Variants in FKBP5 observed in about 807,000 individuals in gnomAD.
FKBP5 encodes the protein peptidyl-prolyl cis-trans isomerase FKBP5.
A neutral mutation model predicts 50.5 loss-of-function variants in FKBP5; 23 were observed. The ratio of observed to expected loss-of-function variants is 0.46; its 90% CI spans 0.33 to 0.65. The LOEUF (loss-of-function observed/expected upper bound fraction) is 0.65. Among genes scored for constraint, FKBP5 ranks in the 30% least tolerant of loss-of-function variants. The pLI, the probability that FKBP5 is intolerant of heterozygous loss-of-function variation, is 0.02. For missense variants in FKBP5, 411 were observed against 553.1 expected (o/e 0.74, Z 2.58); for synonymous variants, 176 against 190.6 (o/e 0.92, Z 0.63).
chr6:35,672,791 G>A (rs969285864), intron 1 of FKBP5, among the ~76,000 whole-genome samples: 1 of 151,824 alleles, frequency 6.6e-6, no homozygotes, highest in African/African-American at 2.4e-5. Flanking sequence ...ATTAGCTGGC[G>A]TAGTGGCAGG....
At chr6:35,643,411 G>A (rs912822700) in intron 1 of FKBP5, among the ~76,000 whole-genome samples, 1 of 152,112 alleles carries the variant, frequency 6.6e-6, no homozygotes, top group African/African-American at 2.4e-5. Flanking sequence ...TAAAAGATTA[G>A]CATAGATTGG....
chr6:35,701,671 C>G (rs187136142), intron 2 of FKBP5, among the ~76,000 whole-genome samples: 3 of 152,122 alleles, frequency 2.0e-5, no homozygotes, highest in Non-Finnish European at 4.4e-5. Flanking sequence ...TCCTGAGTAC[C>G]TGGGACTACA....
At chr6:35,581,893 C>T (rs755658) in intron 8 of FKBP5, 89,221 of 985,458 alleles carry the variant, frequency 0.091, 4,311 homozygotes, top group Admixed American at 0.12. Flanking sequence ...CATCTCACTG[C>T]CGAGTTGTCT....
At chr6:35,725,869 C>T (rs1441310880) in intron 1 of FKBP5, among the ~76,000 whole-genome samples, 3 of 152,152 alleles carry the variant, frequency 2.0e-5, no homozygotes, top group Non-Finnish European at 2.9e-5. Flanking sequence ...GAGGTTCCTT[C>T]GAGGTTGGCC....
chr6:35,666,100 C>T (rs1382314530), intron 1 of FKBP5, among the ~76,000 whole-genome samples: 1 of 151,956 alleles, frequency 6.6e-6, no homozygotes, highest in Non-Finnish European at 1.5e-5. Context: ...ATATATATTA[C>T]CTAATGTATC....
At chr6:35,671,055 T>A (rs1765373597) in intron 1 of FKBP5, among the ~76,000 whole-genome samples, 1 of 151,798 alleles carries the variant, frequency 6.6e-6, no homozygotes, top group South Asian at 2.1e-4. Context: ...ACCCAGGAGT[T>A]TGAGACCAGC....
chr6:35,623,494 T>A, intron 3 of FKBP5, among the ~76,000 whole-genome samples: 1 of 152,188 alleles, frequency 6.6e-6, no homozygotes, highest in East Asian at 1.9e-4. Flanking sequence ...GGAATGTAAA[T>A]TCCTGGAAGT....
chr6:35,616,268 T>C (rs1223157872), intron 5 of FKBP5, among the ~76,000 whole-genome samples: 2 of 125,066 alleles, frequency 1.6e-5, no homozygotes, highest in Non-Finnish European at 3.1e-5. Context: ...TGAGCTGCGA[T>C]AGCATCACTA....
rs776842432 is a variant in FKBP5 at position 35,637,052 on chromosome 6, T to C, written c.212A>G (p.His71Arg). 2 of 1,609,086 alleles carry C rather than the reference T, an allele frequency of 1.2e-6. No individual in the cohort carries two copies. The highest frequency in any genetic ancestry group is 1.7e-5 in the Admixed American group (1 of 58,216). ...AAAGACAAATGGTTCATTTCTATCA[T>C]GACTGGAATCAAACTTCTTTCCATT... ...LSNGKKFDSSHDRNEPFVFSL... is the reference protein window; with the variant it reads ...LSNGKKFDSSRDRNEPFVFSL... Residue 71 changes from histidine to arginine, a missense_variant, in exon 3 of 11, where the codon CAT becomes CGT. Coordinates refer to ENST00000357266, the MANE Select transcript of FKBP5 (RefSeq NM_004117.4).
intron 3 of FKBP5, among the ~76,000 whole-genome samples, chr6:35,627,613 T>G (rs1450005502): frequency 6.6e-6 from 1 of 152,206 alleles, no homozygotes; most frequent in Non-Finnish European, 1.5e-5. Context: ...GTTTTTAATT[T>G]TGATGTATTC....
chr6:35,604,926 A>G (rs1307307016), intron 5 of FKBP5, among the ~76,000 whole-genome samples: 1 of 151,876 alleles, frequency 6.6e-6, no homozygotes, highest in Non-Finnish European at 1.5e-5. Context: ...CTGGGACTAC[A>G]GGCGCCCGCC....
At chr6:35,621,228 A>G (rs1654722327) in intron 3 of FKBP5, among the ~76,000 whole-genome samples, 1 of 152,224 alleles carries the variant, frequency 6.6e-6, no homozygotes, top group African/African-American at 2.4e-5. Context: ...TATAATTGTA[A>G]TCTCAATGTT....
At chr6:35,622,420 A>G (rs1763872704) in intron 3 of FKBP5, among the ~76,000 whole-genome samples, 1 of 152,030 alleles carries the variant, frequency 6.6e-6, no homozygotes, top group African/African-American at 2.4e-5. Context: ...TTAAGACAGG[A>G]GAAGAGCTTG....
intron 2 of FKBP5, among the ~76,000 whole-genome samples, chr6:35,719,107 G>A (rs562844510): frequency 3.9e-5 from 6 of 152,328 alleles, no homozygotes; most frequent in Admixed American, 3.9e-4. Flanking sequence ...CAACCCTGAG[G>A]GGTTGGGCTG....
intron 2 of FKBP5, among the ~76,000 whole-genome samples, chr6:35,714,907 A>G (rs1766486721): frequency 6.6e-6 from 1 of 152,000 alleles, no homozygotes. Flanking sequence ...CTACTTCTTC[A>G]TTCCATTAAA....
intron 1 of FKBP5, among the ~76,000 whole-genome samples, chr6:35,662,320 G>GC (rs2150999785): frequency 6.6e-6 from 1 of 150,568 alleles, no homozygotes; most frequent in East Asian, 1.9e-4. Context: ...TGTTGCTCAG[G>GC]CTGGAGTACA....
intron 1 of FKBP5, among the ~76,000 whole-genome samples, chr6:35,677,605 A>G (rs756137314): frequency 6.6e-6 from 1 of 152,158 alleles, no homozygotes; most frequent in South Asian, 2.1e-4. Context: ...TCTGTGGTCT[A>G]AGAAAGTCTG....
chr6:35,637,127 G>A lies in FKBP5; in HGVS notation c.137C>T (p.Thr46Met), dbSNP rs369848186. The A allele has an allele frequency of 1.2e-5, 20 of 1,609,034 alleles. No homozygotes were observed. Among genetic ancestry groups the A allele is most frequent in the African/African-American group, 9.4e-5 (7 of 74,544 alleles). The change falls in exon 3 of 11, where the codon ACG becomes ATG. Residue 46 changes from threonine to methionine, a missense_variant. Thr to Met is a moderately conservative substitution (Grantham distance 81). Around this residue, in one of 3 missense-constraint regions of FKBP5, gnomAD observed 56 missense variants for 58.2 expected, o/e 0.96. Transcript: ENST00000357266. Reference sequence around the variant, plus strand: ...ATAAACTTTGTCTCCAATCATCGGCGTTTCCTCACCATTCCCCACTCTTTT... The same window carrying A: ...ATAAACTTTGTCTCCAATCATCGGCATTTCCTCACCATTCCCCACTCTTTT... The part of the protein sequence containing the change: ...IVKRVGNGEE[T>M]PMIGDKVYVH...
At chr6:35,681,909 C>T (rs940235037) in intron 1 of FKBP5, among the ~76,000 whole-genome samples, 3 of 151,846 alleles carry the variant, frequency 2.0e-5, no homozygotes, top group Non-Finnish European at 4.4e-5. Flanking sequence ...CCAGTCTGGG[C>T]GATAGAGTGA....
Sources: gnomAD v4.1 joint callset for allele counts (sites outside exome capture counted in the v4.1 genomes callset) on GRCh38, gnomAD v4.1.1 for gene constraint, gnomAD v4.1.1 regional missense constraint, MANE v1.5 for transcripts, NCBI Gene and HGNC (gene_info 2026-07-23, HGNC 2026-07-21) for gene names.